RALGAPA2: variants seen among roughly 807,000 people sequenced by gnomAD.
RALGAPA2 encodes the protein Ral GTPase activating protein catalytic subunit alpha 2, also known as ral GTPase-activating protein subunit alpha-2.
In RALGAPA2, 139 loss-of-function variants were observed where a neutral mutation model predicts 230.4. The observed-to-expected ratio is 0.60, with a 90% CI of 0.53 to 0.69. The LOEUF (loss-of-function observed/expected upper bound fraction) is 0.69, where lower values mean the gene tolerates loss of function less well. RALGAPA2 is among the 30% of genes least tolerant of loss of function. The probability of loss-of-function intolerance (pLI) is 0.00; values close to 1 mark genes in which losing one functional copy is unlikely to be tolerated. For synonymous variants in RALGAPA2, 847 were observed against 837.8 expected (o/e 1.01, Z -0.19); for missense variants, 2,163 against 2,276.0 (o/e 0.95, Z 1.01).
At position 20,535,735 on chromosome 20, in the gene RALGAPA2, C is replaced by A; in HGVS notation, c.3473+10G>T. The A allele has an allele frequency of 6.5e-7, 1 of 1,544,552 alleles. No individual in the cohort carries two copies. Among genetic ancestry groups the A allele is most frequent in the Non-Finnish European group, 8.7e-7 (1 of 1,144,420 alleles). On this transcript the variant is annotated intron_variant, in intron 26 of 39. Transcript: ENST00000202677. ...ATTCTAAAATAGTTTACCTCTTATT[C>A]AACATTTACCTTGCATATTCATTTG...
At chr20:20,476,599 GA>G (rs1029036951) in intron 36 of RALGAPA2, among the ~76,000 whole-genome samples, 2 of 149,374 alleles carry the variant, frequency 1.3e-5, no homozygotes, top group African/African-American at 2.5e-5. Context: ...AAAGCCTCCA[GA>G]AAAAAAATAT....
chr20:20,665,856 G>A (rs1379292439), intron 3 of RALGAPA2, among the ~76,000 whole-genome samples: 1 of 152,166 alleles, frequency 6.6e-6, no homozygotes, highest in Non-Finnish European at 1.5e-5. Flanking sequence ...CGATAGCACC[G>A]AGGAGCAACT....
chr20:20,521,113 A>G lies in RALGAPA2; in HGVS notation c.3901-13T>C. On this transcript the variant is annotated splice_polypyrimidine_tract_variant and intron_variant, in intron 30 of 39. Transcript: ENST00000202677. ...AGCAGTGCAAAACCTGTGAAAACAG[A>G]GGCCATGTGCACCACGGATGCTACT... 1 of 1,588,866 alleles carries G rather than the reference A, an allele frequency of 6.3e-7. No homozygotes were observed. The highest frequency in any genetic ancestry group is 8.6e-7 in the Non-Finnish European group (1 of 1,162,010).
At chr20:20,577,129 C>A (rs1227816032) in intron 20 of RALGAPA2, among the ~76,000 whole-genome samples, 2 of 152,116 alleles carry the variant, frequency 1.3e-5, no homozygotes, top group African/African-American at 4.8e-5. Context: ...AATTATCAGT[C>A]CCCACTGAGT....
At chr20:20,635,331 T>C in intron 9 of RALGAPA2, 87 bp downstream of exon 9, 1 of 1,372,094 alleles carries the variant, frequency 7.3e-7, no homozygotes, top group East Asian at 2.4e-5. Context: ...TAAGAACCAA[T>C]AACTCTAACA....
chr20:20,600,959 G>A (rs2065624470), intron 16 of RALGAPA2, among the ~76,000 whole-genome samples: 1 of 152,148 alleles, frequency 6.6e-6, no homozygotes, highest in South Asian at 2.1e-4. Flanking sequence ...AATTAGCCGG[G>A]CGTCGTGGCA....
At chr20:20,570,528 C>A (rs1158220327) in intron 23 of RALGAPA2, among the ~76,000 whole-genome samples, 1 of 152,138 alleles carries the variant, frequency 6.6e-6, no homozygotes, top group Non-Finnish European at 1.5e-5. Flanking sequence ...ACTCCCTATA[C>A]CTCTATATTG....
chr20:20,674,253 TA>T (rs1276646842), intron 3 of RALGAPA2, among the ~76,000 whole-genome samples: 2 of 151,434 alleles, frequency 1.3e-5, no homozygotes, highest in Non-Finnish European at 2.9e-5. Context: ...TCTAGAACTG[TA>T]ATTCACCATA....
At chr20:20,440,437 A>G (rs2123052924) in intron 37 of RALGAPA2, among the ~76,000 whole-genome samples, 1 of 152,338 alleles carries the variant, frequency 6.6e-6, no homozygotes, top group Admixed American at 6.5e-5. Flanking sequence ...TGTATTAAAT[A>G]GGCCTAGGCT....
intron 37 of RALGAPA2, among the ~76,000 whole-genome samples, chr20:20,431,279 G>T (rs1465041652): frequency 6.6e-6 from 1 of 152,210 alleles, no homozygotes; most frequent in Non-Finnish European, 1.5e-5. Flanking sequence ...TGTTAGGGAA[G>T]CGAGGAGGCT....
intron 3 of RALGAPA2, among the ~76,000 whole-genome samples, chr20:20,672,513 A>G (rs903020952): frequency 2.0e-5 from 3 of 152,232 alleles, no homozygotes; most frequent in Non-Finnish European, 4.4e-5. Context: ...TAAAAACATG[A>G]AAAAAATCAT....
At chr20:20,511,458 A>G (rs1275971598) in intron 32 of RALGAPA2, 133 bp from the exon 33 acceptor site, 2 of 1,369,388 alleles carry the variant, frequency 1.5e-6, no homozygotes, top group African/African-American at 1.5e-5. Context: ...TGTGATAGAA[A>G]CCTACAGAAT....
At chr20:20,494,792 A>G (rs2062156445) in intron 36 of RALGAPA2, among the ~76,000 whole-genome samples, 1 of 152,228 alleles carries the variant, frequency 6.6e-6, no homozygotes, top group African/African-American at 2.4e-5. Flanking sequence ...TTATTAATCA[A>G]CATAACCAAA....
intron 1 of RALGAPA2, among the ~76,000 whole-genome samples, chr20:20,694,680 A>G (rs1464053425): frequency 6.6e-6 from 1 of 152,218 alleles, no homozygotes; most frequent in African/African-American, 2.4e-5. Context: ...TCACTTACTG[A>G]TGTGGAAAAA....
At chr20:20,615,977 A>T (rs1461836736) in intron 13 of RALGAPA2, 66 bp downstream of exon 13, 1 of 1,208,208 alleles carries the variant, frequency 8.3e-7, no homozygotes, top group Non-Finnish European at 1.1e-6. Context: ...AAGCCTTAAC[A>T]TTTTAATTAT....
chr20:20,427,827 A>T (rs1168466141), intron 37 of RALGAPA2, among the ~76,000 whole-genome samples: 1 of 151,866 alleles, frequency 6.6e-6, no homozygotes, highest in Non-Finnish European at 1.5e-5. Flanking sequence ...GTAGCTGGAC[A>T]ACATATATCA....
At chr20:20,599,982 A>T (rs1038101883) in intron 16 of RALGAPA2, among the ~76,000 whole-genome samples, 12 of 150,410 alleles carry the variant, frequency 8.0e-5, no homozygotes, top group African/African-American at 3.0e-4. Flanking sequence ...CAAAAAAAAT[A>T]AAAAATAAAA....
At chr20:20,427,614 A>G (rs1021208795) in intron 37 of RALGAPA2, among the ~76,000 whole-genome samples, 1 of 151,864 alleles carries the variant, frequency 6.6e-6, no homozygotes, top group African/African-American at 2.4e-5. Flanking sequence ...CATGTCCTCC[A>G]GTGCTCCTGG....
chr20:20,655,361 G>A (rs2067553207), intron 3 of RALGAPA2, among the ~76,000 whole-genome samples: 1 of 152,092 alleles, frequency 6.6e-6, no homozygotes, highest in Admixed American at 6.5e-5. Flanking sequence ...ACAGACGTTT[G>A]CACGAAATAT....
Sources: allele counts gnomAD v4.1 joint callset (sites outside exome capture counted in the v4.1 genomes callset), GRCh38; gene constraint gnomAD v4.1.1; transcripts MANE v1.5; gene names NCBI Gene and HGNC (gene_info 2026-07-23, HGNC 2026-07-21).